The following MBOAT1 variants were observed in gnomAD, a reference collection of about 807,000 sequenced individuals.
The protein encoded by MBOAT1 is membrane-bound glycerophospholipid O-acyltransferase 1.
Under a neutral mutation model 64.4 loss-of-function variants are expected in MBOAT1, and 67 were observed. The ratio of observed to expected loss-of-function variants is 1.04; its 90% CI spans 0.85 to 1.27. The LOEUF is 1.27. Among genes scored for constraint, MBOAT1 ranks in the 50% most tolerant of loss-of-function variants. The pLI, the probability that MBOAT1 is intolerant of heterozygous loss-of-function variation, is 0.00. For synonymous variants in MBOAT1, 229 were observed against 218.9 expected, an observed-to-expected ratio of 1.05 and a Z score of -0.41; for missense variants, 563 against 604.6, an observed-to-expected ratio of 0.93 and a Z score of 0.72.
intron 11 of MBOAT1, among the ~76,000 whole-genome samples, chr6:20,111,800 T>C (rs990121939): frequency 7.7e-5 from 3 of 38,956 alleles, no homozygotes; most frequent in Non-Finnish European, 2.1e-4. Context: ...GTAATCCACT[T>C]TGTTCATATA....
chr6:20,162,957 G>A (rs1215376116), intron 1 of MBOAT1, among the ~76,000 whole-genome samples: 1 of 152,174 alleles, frequency 6.6e-6, no homozygotes. Flanking sequence ...CTCAGAGAAA[G>A]AGTCCTTATA....
chr6:20,134,347 T>A (rs889913962), intron 4 of MBOAT1, among the ~76,000 whole-genome samples: 1 of 152,102 alleles, frequency 6.6e-6, no homozygotes, highest in Non-Finnish European at 1.5e-5. Context: ...AAAGCCATAC[T>A]GTCATTCCTC....
intron 1 of MBOAT1, among the ~76,000 whole-genome samples, chr6:20,165,313 C>T (rs1477592801): frequency 6.6e-6 from 1 of 152,210 alleles, no homozygotes; most frequent in Non-Finnish European, 1.5e-5. Context: ...ACATGTCCAA[C>T]ATTAACTACA....
At chr6:20,202,351 C>T (rs986190068) in intron 1 of MBOAT1, among the ~76,000 whole-genome samples, 45 of 151,456 alleles carry the variant, frequency 3.0e-4, no homozygotes, top group Non-Finnish European at 5.3e-4. Context: ...CCCTGGTTTT[C>T]GTTTTGTTTT....
intron 4 of MBOAT1, among the ~76,000 whole-genome samples, chr6:20,137,320 C>T (rs554851653): frequency 6.6e-6 from 1 of 152,208 alleles, no homozygotes; most frequent in South Asian, 2.1e-4. Context: ...CCTACCATGG[C>T]AAAAGGAAAT....
chr6:20,181,484 G>C (rs1249578399), intron 1 of MBOAT1, among the ~76,000 whole-genome samples: 1 of 151,582 alleles, frequency 6.6e-6, no homozygotes, highest in East Asian at 1.9e-4. Flanking sequence ...CTTCTTTCTT[G>C]AACTCCAATA....
chr6:20,148,501 T>G (rs73384429), intron 3 of MBOAT1, among the ~76,000 whole-genome samples: 1,639 of 152,344 alleles, frequency 0.011, 30 homozygotes, highest in African/African-American at 0.037. Context: ...CTCTTATCAC[T>G]GATTCAGTGA....
intron 1 of MBOAT1, among the ~76,000 whole-genome samples, chr6:20,161,510 C>G (rs1581434160): frequency 6.6e-6 from 1 of 152,102 alleles, no homozygotes; most frequent in South Asian, 2.1e-4. Flanking sequence ...GACTGCTGCT[C>G]TCATTGATAT....
chr6:20,176,933 T>C (rs1762359146), intron 1 of MBOAT1, among the ~76,000 whole-genome samples: 1 of 152,210 alleles, frequency 6.6e-6, no homozygotes, highest in Non-Finnish European at 1.5e-5. Flanking sequence ...CTACTATTCA[T>C]TTTTATTCCA....
intron 1 of MBOAT1, among the ~76,000 whole-genome samples, chr6:20,183,644 T>G (rs1762568682): frequency 6.6e-6 from 1 of 152,356 alleles, no homozygotes; most frequent in South Asian, 2.1e-4. Context: ...AAAAATCAGA[T>G]TACTTAGCAA....
intron 1 of MBOAT1, among the ~76,000 whole-genome samples, chr6:20,184,698 T>C (rs1009411092): frequency 1.3e-5 from 2 of 152,112 alleles, no homozygotes; most frequent in African/African-American, 4.8e-5. Flanking sequence ...AATGGAACCC[T>C]GCCATCATCT....
At chr6:20,129,238 CAATAAAA>C (rs1462404268) in intron 5 of MBOAT1, among the ~76,000 whole-genome samples, 3 of 151,684 alleles carry the variant, frequency 2.0e-5, no homozygotes, top group Non-Finnish European at 4.4e-5. Flanking sequence ...TCTTCCAGAA[CAATAAAA>C]AATAAAAAAT....
intron 3 of MBOAT1, among the ~76,000 whole-genome samples, chr6:20,147,582 T>C (rs938566991): frequency 5.3e-5 from 8 of 151,218 alleles, no homozygotes; most frequent in South Asian, 4.2e-4. Context: ...GAGGTTGCAG[T>C]GAGCCAAGAT....
chr6:20,163,333 C>G (rs952987193), intron 1 of MBOAT1, among the ~76,000 whole-genome samples: 3 of 152,196 alleles, frequency 2.0e-5, no homozygotes. Context: ...TTAAATTCCA[C>G]TGTTAACCAG....
At chr6:20,191,682 G>C (rs991788464) in intron 1 of MBOAT1, among the ~76,000 whole-genome samples, 4 of 152,180 alleles carry the variant, frequency 2.6e-5, no homozygotes, top group Admixed American at 6.5e-5. Flanking sequence ...CACCACATTG[G>C]ACAAGCCCAA....
intron 12 of MBOAT1, among the ~76,000 whole-genome samples, chr6:20,105,070 AACACGGTGATTT>A (rs1327688715): frequency 6.6e-6 from 1 of 152,216 alleles, no homozygotes; most frequent in African/African-American, 2.4e-5. Flanking sequence ...TCCACAGATA[AACACGGTGATTT>A]AACAGGTATA....
chr6:20,114,155 C>T (rs1335684487), intron 10 of MBOAT1, among the ~76,000 whole-genome samples: 1 of 152,184 alleles, frequency 6.6e-6, no homozygotes, highest in Non-Finnish European at 1.5e-5. Flanking sequence ...TCAGAAAATA[C>T]TGCATGAGTT....
intron 3 of MBOAT1, among the ~76,000 whole-genome samples, chr6:20,150,929 G>C (rs1581425572): frequency 6.6e-6 from 1 of 151,706 alleles, no homozygotes; most frequent in Admixed American, 6.6e-5. Context: ...TTCCAGTTTC[G>C]GGCTGTCACA....
At chr6:20,127,828 C>A (rs555343997) in intron 6 of MBOAT1, among the ~76,000 whole-genome samples, 1 of 152,232 alleles carries the variant, frequency 6.6e-6, no homozygotes, top group South Asian at 2.1e-4. Context: ...CATCCCCCCA[C>A]CACCACCCGC....
Sources: allele counts gnomAD v4.1 joint callset (sites outside exome capture counted in the v4.1 genomes callset), GRCh38; gene constraint gnomAD v4.1.1; transcripts MANE v1.5; gene names NCBI Gene and HGNC (gene_info 2026-07-23, HGNC 2026-07-21).